Variants in KCNIP4 observed in about 807,000 individuals in gnomAD.
KCNIP4 encodes Kv channel-interacting protein 4.
In KCNIP4, 12 loss-of-function variants were observed where a neutral mutation model predicts 34.0. The ratio of observed to expected loss-of-function variants is 0.35; its 90% CI spans 0.23 to 0.57. The LOEUF (loss-of-function observed/expected upper bound fraction) is 0.57. Ranked by LOEUF, KCNIP4 falls within the 20% of genes least tolerant of loss-of-function variation. The pLI is 0.83. For synonymous variants in KCNIP4, 124 were observed against 102.2 expected (o/e 1.21, Z -1.29); for missense variants, 238 against 311.7 (o/e 0.76, Z 1.78).
chr4:21,771,347 T>A (rs1718773796), intron 1 of KCNIP4, among the ~76,000 whole-genome samples: 1 of 152,338 alleles, frequency 6.6e-6, no homozygotes, highest in East Asian at 1.9e-4. Context: ...ACTGTAGCCT[T>A]GTAGTATAGT....
chr4:20,785,333 T>C (rs1030269271), intron 3 of KCNIP4, among the ~76,000 whole-genome samples: 8 of 151,356 alleles, frequency 5.3e-5, no homozygotes, highest in Middle Eastern at 3.4e-3. Flanking sequence ...TTTTTCTTTT[T>C]TTTTTTTTTT....
At chr4:20,857,244 AC>A (rs1257365019) in intron 2 of KCNIP4, among the ~76,000 whole-genome samples, 5 of 152,042 alleles carry the variant, frequency 3.3e-5, no homozygotes, top group Non-Finnish European at 7.4e-5. Context: ...ACACCACCGA[AC>A]CCAATCAACT....
chr4:21,392,294 G>A (rs890813612), intron 1 of KCNIP4, among the ~76,000 whole-genome samples: 1 of 143,004 alleles, frequency 7.0e-6, no homozygotes, highest in Admixed American at 6.9e-5. Context: ...TGTCTTGATT[G>A]TGTGAGCTAA....
intron 1 of KCNIP4, among the ~76,000 whole-genome samples, chr4:21,209,425 C>A (rs73109438): frequency 0.028 from 4,313 of 152,232 alleles, 202 homozygotes; most frequent in African/African-American, 0.099. Flanking sequence ...TCTTCCCAGT[C>A]TTTACAATCC....
chr4:21,840,769 C>T (rs1046294788), intron 1 of KCNIP4, among the ~76,000 whole-genome samples: 3 of 152,154 alleles, frequency 2.0e-5, no homozygotes, highest in Non-Finnish European at 4.4e-5. Context: ...ACCTTAATGG[C>T]ATCTTGAAGA....
chr4:21,413,710 T>A (rs544357097), intron 1 of KCNIP4, among the ~76,000 whole-genome samples: 16 of 152,296 alleles, frequency 1.1e-4, no homozygotes, highest in South Asian at 2.1e-4. Context: ...TTAGGAGGCA[T>A]CAATAAAGGA....
In KCNIP4 at chr4:21,304,043, G is replaced by GAGAC. The variant is rs1712078991; in HGVS notation, c.62-421335_62-421334insGTCT. ...GAGGAGAGCGTATGAGAGAGAGAGA[G>GAGAC]AGAGAGAGAGAGAGAGAGAGAGAGA... On this transcript the variant is annotated intron_variant, in intron 1 of 8. Coordinates refer to ENST00000382152, the MANE Select transcript of KCNIP4 (RefSeq NM_025221.6). The GAGAC allele has an allele frequency of 1.6e-5, 9 of 551,908 alleles. No homozygotes were observed. In the South Asian group the frequency reaches 4.1e-4, roughly 25 times the overall value. 34.2% of individuals were successfully genotyped at this position (551,908 alleles called of 1,614,324 possible).
chr4:20,864,143 T>C (rs1008894780), intron 2 of KCNIP4, among the ~76,000 whole-genome samples: 4 of 120,624 alleles, frequency 3.3e-5, no homozygotes, highest in South Asian at 2.3e-4. Flanking sequence ...TATGTATACA[T>C]ATCCATGTAT....
intron 1 of KCNIP4, among the ~76,000 whole-genome samples, chr4:21,620,533 AG>A (rs1464821690): frequency 6.6e-6 from 1 of 152,198 alleles, no homozygotes; most frequent in Non-Finnish European, 1.5e-5. Flanking sequence ...AAAAAAATAC[AG>A]TAGGCATAGA....
intron 1 of KCNIP4, among the ~76,000 whole-genome samples, chr4:21,544,923 G>A (rs1323183705): frequency 3.3e-5 from 5 of 151,904 alleles, no homozygotes; most frequent in Non-Finnish European, 5.9e-5. Context: ...TTAAGTTGTC[G>A]GAGGCATTTG....
intron 1 of KCNIP4, among the ~76,000 whole-genome samples, chr4:21,500,524 C>A (rs923707578): frequency 6.6e-6 from 1 of 152,072 alleles, no homozygotes; most frequent in Admixed American, 6.6e-5. Context: ...GGATTCCAAT[C>A]ACGATTTTTT....
chr4:21,361,783 T>C (rs1719253501), intron 1 of KCNIP4, among the ~76,000 whole-genome samples: 2 of 151,696 alleles, frequency 1.3e-5, no homozygotes, highest in Non-Finnish European at 2.9e-5. Context: ...AGAAAATTTA[T>C]AAAGTAACAT....
rs141023233 is a variant in KCNIP4 at position 21,230,788 on chromosome 4, T to G, written c.62-348079A>C. Among the ~76,000 whole-genome samples the G allele has an allele frequency of 2.6e-5, 4 of 152,286 alleles. No homozygotes were observed. In the East Asian group the frequency reaches 7.7e-4, roughly 29 times the overall value. On this transcript the variant is annotated intron_variant, in intron 1 of 8. Coordinates refer to ENST00000382152, the MANE Select transcript of KCNIP4 (RefSeq NM_025221.6). ...TCTATGGACATTTGGCTTGATTCCA[T>G]GTCTTTGCTATTGTGACTAGTGCTG...
chr4:21,110,350 C>T lies in KCNIP4; in HGVS notation c.62-227641G>A, dbSNP rs116455132. Reference sequence around the variant, plus strand: ...AAACAGACACATATAAATGAAGCTTCCACAGCAAGGAGGGCCAAATGGTGC... The same window carrying T: ...AAACAGACACATATAAATGAAGCTTTCACAGCAAGGAGGGCCAAATGGTGC... On this transcript the variant is annotated intron_variant, in intron 1 of 8. Transcript: ENST00000382152. Among the ~76,000 whole-genome samples the T allele has an allele frequency of 4.0e-3, 606 of 152,276 alleles. 5 individuals carry two copies. Among genetic ancestry groups the T allele is most frequent in the Admixed American group, 0.01 (160 of 15,282 alleles).
At chr4:20,826,752 G>A (rs1717810146) in intron 3 of KCNIP4, among the ~76,000 whole-genome samples, 1 of 152,182 alleles carries the variant, frequency 6.6e-6, no homozygotes, top group African/African-American at 2.4e-5. Context: ...AGCAAAAGAA[G>A]TAATGGATAC....
intron 1 of KCNIP4, among the ~76,000 whole-genome samples, chr4:21,462,632 G>A (rs958666284): frequency 6.6e-6 from 1 of 152,026 alleles, no homozygotes; most frequent in Non-Finnish European, 1.5e-5. Flanking sequence ...TTTAGATTCT[G>A]CATATGAGTG....
At chr4:20,956,260 C>T (rs1158711799) in intron 1 of KCNIP4, among the ~76,000 whole-genome samples, 1 of 152,108 alleles carries the variant, frequency 6.6e-6, no homozygotes, top group African/African-American at 2.4e-5. Flanking sequence ...AACGTTTTCT[C>T]TTGGGAGGCT....
chr4:21,472,800 T>C lies in KCNIP4; in HGVS notation c.61+475771A>G, dbSNP rs114078372. Among the ~76,000 whole-genome samples, 1,159 of 152,312 alleles carry C rather than the reference T, an allele frequency of 7.6e-3. 13 individuals carry two copies. Among genetic ancestry groups the C allele is most frequent in the African/African-American group, 0.027 (1,115 of 41,564 alleles). On this transcript the variant is annotated intron_variant, in intron 1 of 8. Transcript: ENST00000382152. ...GTATGAACATACTCAAACTGCCCAG[T>C]TTTTCTCCTCTTCTGCAAAATGAGT...
intron 1 of KCNIP4, among the ~76,000 whole-genome samples, chr4:21,411,928 C>G (rs1009272324): frequency 4.6e-5 from 7 of 152,298 alleles, no homozygotes; most frequent in African/African-American, 1.7e-4. Context: ...TCTGTTCATT[C>G]ATTTTCATCA....
Sources: gnomAD v4.1 joint callset for allele counts (sites outside exome capture counted in the v4.1 genomes callset) on GRCh38, gnomAD v4.1.1 for gene constraint, MANE v1.5 for transcripts, NCBI Gene and HGNC (gene_info 2026-07-23, HGNC 2026-07-21) for gene names.